The following RAD51B variants were observed in gnomAD, a reference collection of about 807,000 sequenced individuals.
RAD51B encodes DNA repair protein RAD51 homolog 2.
In RAD51B, 38 loss-of-function variants were observed where a neutral mutation model predicts 42.2. The ratio of observed to expected loss-of-function variants is 0.90; its 90% CI spans 0.70 to 1.18. RAD51B has a LOEUF of 1.18. RAD51B is among the 50% of genes most tolerant of loss of function. The pLI is 0.00. For missense variants in RAD51B, 373 were observed against 400.7 expected (o/e 0.93, Z 0.59); for synonymous variants, 154 against 145.2 (o/e 1.06, Z -0.43).
At chr14:68,649,512 C>T (rs1892655756) in intron 10 of RAD51B, among the ~76,000 whole-genome samples, 1 of 152,226 alleles carries the variant, frequency 6.6e-6, no homozygotes, top group Non-Finnish European at 1.5e-5. Context: ...ACTTTTCAGC[C>T]TAAGTGTCCA....
chr14:68,312,372 T>C (rs997070004), intron 8 of RAD51B, among the ~76,000 whole-genome samples: 2 of 152,232 alleles, frequency 1.3e-5, no homozygotes, highest in African/African-American at 4.8e-5. Context: ...TGTTGCAGGC[T>C]AAAATGCAGA....
rs139749713 is a variant in RAD51B at position 68,172,655 on chromosome 14, C to T, written c.757-119229C>T. 8.5e-4 allele frequency among the ~76,000 whole-genome samples: 129 copies of T among 152,188 alleles called. 1 individual carries two copies. The East Asian group carries it at 0.019, about 23-fold the overall frequency. On this transcript the variant is annotated intron_variant, in intron 7 of 10. Transcript: ENST00000471583. Reference sequence around the variant, plus strand: ...CCAAACTTCAAGTGGAAAAAAAAAGCCCTTAAAGAAAGAGCTTAAGAGAAT... The same window carrying T: ...CCAAACTTCAAGTGGAAAAAAAAAGTCCTTAAAGAAAGAGCTTAAGAGAAT...
intron 7 of RAD51B, among the ~76,000 whole-genome samples, chr14:67,967,911 A>G (rs1354790289): frequency 6.6e-6 from 1 of 152,106 alleles, no homozygotes; most frequent in African/African-American, 2.4e-5. Context: ...TCCCTTCCAC[A>G]CTGCCCTAGC....
At chr14:68,066,741 A>G (rs1332682005) in intron 7 of RAD51B, among the ~76,000 whole-genome samples, 1 of 152,178 alleles carries the variant, frequency 6.6e-6, no homozygotes, top group African/African-American at 2.4e-5. Flanking sequence ...GGGCAATGCA[A>G]TGAGACCTTA....
At chr14:67,901,856 G>A (rs1031604557) in intron 7 of RAD51B, among the ~76,000 whole-genome samples, 3 of 152,100 alleles carry the variant, frequency 2.0e-5, no homozygotes, top group Non-Finnish European at 2.9e-5. Context: ...GAAATAATGT[G>A]TACCCATGGA....
chr14:68,004,740 C>T (rs2075551650), intron 7 of RAD51B, among the ~76,000 whole-genome samples: 1 of 152,156 alleles, frequency 6.6e-6, no homozygotes, highest in African/African-American at 2.4e-5. Context: ...CCAGAAGCCC[C>T]CACTGTGTGC....
intron 7 of RAD51B, among the ~76,000 whole-genome samples, chr14:68,171,451 C>T (rs2078869822): frequency 6.6e-6 from 1 of 151,828 alleles, no homozygotes; most frequent in Non-Finnish European, 1.5e-5. Flanking sequence ...AGGCGCCCAC[C>T]ACCACACCCA....
intron 7 of RAD51B, among the ~76,000 whole-genome samples, chr14:68,140,388 T>G (rs977203245): frequency 5.9e-5 from 9 of 152,202 alleles, no homozygotes; most frequent in Admixed American, 4.6e-4. Context: ...TGAAAGTCAC[T>G]GACACACACT....
intron 8 of RAD51B, among the ~76,000 whole-genome samples, chr14:68,324,927 C>T (rs28503524): frequency 0.099 from 15,064 of 152,226 alleles, 870 homozygotes; most frequent in African/African-American, 0.15. Context: ...TTTATGCATT[C>T]TTCAGGGAAA....
In RAD51B at chr14:68,563,907, G is replaced by A. The variant is rs1889286520; in HGVS notation, c.1037-30578G>A. 3 of 985,328 alleles carry A rather than the reference G, an allele frequency of 3.0e-6. No homozygotes were observed. In the South Asian group the frequency reaches 1.4e-4, roughly 46 times the overall value. 61.0% of individuals were successfully genotyped at this position (985,328 alleles called of 1,614,324 possible). A position where few individuals can be genotyped will look rare whatever the true frequency, so the allele number is the denominator to read the frequency against. ...CAGCCTTGAGTAACGGCCACAGGCC[G>A]ATTCTCGGCAATTAAAAATAATATT... is the stretch of plus-strand genomic sequence containing the variant. On this transcript the variant is annotated intron_variant, in intron 10 of 10. Transcript: ENST00000487270.
chr14:68,205,573 CT>C (rs1218590484), intron 7 of RAD51B, among the ~76,000 whole-genome samples: 2 of 151,472 alleles, frequency 1.3e-5, no homozygotes, highest in African/African-American at 4.9e-5. Flanking sequence ...TCAATCCAGG[CT>C]TTTTTGGTTG....
chr14:68,425,568 G>A (rs1381388137), intron 9 of RAD51B, among the ~76,000 whole-genome samples: 1 of 152,208 alleles, frequency 6.6e-6, no homozygotes, highest in Admixed American at 6.5e-5. Flanking sequence ...CTCACCAGAT[G>A]CTGGCCCCTT....
chr14:67,898,380 T>C (rs1339456726), intron 7 of RAD51B, among the ~76,000 whole-genome samples: 1 of 152,146 alleles, frequency 6.6e-6, no homozygotes, highest in Non-Finnish European at 1.5e-5. Context: ...GAATCTAAAA[T>C]AGTCAAACTC....
At chr14:68,147,918 CAAGAT>C in intron 7 of RAD51B, among the ~76,000 whole-genome samples, 1 of 152,232 alleles carries the variant, frequency 6.6e-6, no homozygotes. Flanking sequence ...TCACCACACT[CAAGAT>C]AATTAACATG....
chr14:67,903,550 G>A (rs2043681893), intron 7 of RAD51B, among the ~76,000 whole-genome samples: 2 of 152,098 alleles, frequency 1.3e-5, no homozygotes, highest in Admixed American at 6.5e-5. Flanking sequence ...GGTGTTTGTG[G>A]CAGATACTGT....
intron 9 of RAD51B, among the ~76,000 whole-genome samples, chr14:68,446,785 C>T (rs2085431216): frequency 6.6e-6 from 1 of 152,072 alleles, no homozygotes; most frequent in Non-Finnish European, 1.5e-5. Context: ...GATTATGAGG[C>T]CATCATCTGA....
intron 7 of RAD51B, among the ~76,000 whole-genome samples, chr14:68,268,500 G>A (rs897064827): frequency 6.6e-6 from 1 of 152,208 alleles, no homozygotes; most frequent in Non-Finnish European, 1.5e-5. Context: ...GGGGGTAATA[G>A]TGGGAGTTAC....
chr14:68,582,194 A>C (rs1890238196), intron 10 of RAD51B, among the ~76,000 whole-genome samples: 1 of 152,254 alleles, frequency 6.6e-6, no homozygotes. Flanking sequence ...TGCACAGCAA[A>C]AGAAACTATC....
chr14:68,610,960 A>G (rs1452729409), intron 10 of RAD51B: 1 of 694,954 alleles, frequency 1.4e-6, no homozygotes, highest in South Asian at 1.5e-5. Flanking sequence ...CATCTTTAAT[A>G]AAAGTTTGTT....
Sources: gnomAD v4.1 joint callset for allele counts (sites outside exome capture counted in the v4.1 genomes callset) on GRCh38, gnomAD v4.1.1 for gene constraint, MANE v1.5 for transcripts, NCBI Gene and HGNC (gene_info 2026-07-23, HGNC 2026-07-21) for gene names.